The following PRKN variants were observed in gnomAD, a reference collection of about 807,000 sequenced individuals.
The protein encoded by PRKN is E3 ubiquitin-protein ligase parkin.
Under a neutral mutation model 59.5 loss-of-function variants are expected in PRKN, and 56 were observed. The observed-to-expected ratio is 0.94, with a 90% CI of 0.76 to 1.18. The LOEUF (loss-of-function observed/expected upper bound fraction) is 1.18, where lower values mean the gene tolerates loss of function less well. Among genes scored for constraint, PRKN ranks in the 50% most tolerant of loss-of-function variants. The pLI, the probability that PRKN is intolerant of heterozygous loss-of-function variation, is 0.00. For synonymous variants in PRKN, 250 were observed against 222.1 expected, an observed-to-expected ratio of 1.13 and a Z score of -1.12; for missense variants, 657 against 596.4, an observed-to-expected ratio of 1.10 and a Z score of -1.06.
At chr6:162,449,873 A>C (rs893709927) in intron 1 of PRKN, among the ~76,000 whole-genome samples, 1 of 151,100 alleles carries the variant, frequency 6.6e-6, no homozygotes, top group African/African-American at 2.5e-5. Flanking sequence ...AAGAGTGAAC[A>C]AAAAAAATGA....
At chr6:162,710,405 A>ACACACACACACACACACACACACACT in intron 1 of PRKN, among the ~76,000 whole-genome samples, 1 of 151,136 alleles carries the variant, frequency 6.6e-6, no homozygotes, top group African/African-American at 2.4e-5. Context: ...ACACACACAC[A>ACACACACACACACACACACACACACT]CACACACACA....
chr6:161,660,915 G>A (rs1784520046), intron 7 of PRKN, among the ~76,000 whole-genome samples: 1 of 152,050 alleles, frequency 6.6e-6, no homozygotes, highest in African/African-American at 2.4e-5. Flanking sequence ...CTCAGTAAGT[G>A]GACACCCAGT....
intron 2 of PRKN, among the ~76,000 whole-genome samples, chr6:162,359,284 G>A (rs189194280): frequency 1.6e-4 from 25 of 151,792 alleles, no homozygotes; most frequent in African/African-American, 5.6e-4. Flanking sequence ...GTTTGTCAAG[G>A]ACATTCGGAA....
intron 7 of PRKN, among the ~76,000 whole-genome samples, chr6:161,752,794 T>C (rs767188406): frequency 1.3e-5 from 2 of 152,180 alleles, no homozygotes; most frequent in Non-Finnish European, 2.9e-5. Context: ...TTTACGCAAG[T>C]TCAGTAAACA....
chr6:162,299,253 C>T (rs1781830671), intron 2 of PRKN, among the ~76,000 whole-genome samples: 1 of 152,150 alleles, frequency 6.6e-6, no homozygotes, highest in Non-Finnish European at 1.5e-5. Context: ...TCACTGTGAG[C>T]TCCCGACTTA....
chr6:161,374,393 G>GT (rs1785568052), intron 10 of PRKN, among the ~76,000 whole-genome samples: 1 of 151,354 alleles, frequency 6.6e-6, no homozygotes, highest in Admixed American at 6.6e-5. Context: ...GTATGTGGAT[G>GT]TGGTGTGTAT....
intron 7 of PRKN, among the ~76,000 whole-genome samples, chr6:161,601,372 C>G (rs1295121929): frequency 6.6e-6 from 1 of 152,080 alleles, no homozygotes; most frequent in Non-Finnish European, 1.5e-5. Context: ...TCCTTTGGGT[C>G]TATTAGATAA....
At position 162,242,090 on chromosome 6, in the gene PRKN, A is replaced by G. The variant is rs190596341; in HGVS notation, c.412+20435T>C. Among the ~76,000 whole-genome samples the G allele has an allele frequency of 1.6e-3, 246 of 152,302 alleles. 7 individuals carry two copies. Among genetic ancestry groups the G allele is most frequent in the African/African-American group, 5.6e-3 (232 of 41,574 alleles). ...ACACTTTTAAAATAAGAAATTGCAT[A>G]AAGAGAGAAGAAAAAATAAAATTTT... is the stretch of plus-strand genomic sequence containing the variant. On this transcript the variant is annotated intron_variant, in intron 3 of 11. Transcript: ENST00000366898.
intron 1 of PRKN, among the ~76,000 whole-genome samples, chr6:162,547,002 A>T (rs1470335814): frequency 1.3e-5 from 2 of 152,176 alleles, no homozygotes; most frequent in Non-Finnish European, 2.9e-5. Flanking sequence ...TGTTTCCACC[A>T]AGGGGCTTGC....
chr6:161,793,682 C>T (rs1207571437), intron 6 of PRKN, among the ~76,000 whole-genome samples: 1 of 152,004 alleles, frequency 6.6e-6, no homozygotes, highest in Non-Finnish European at 1.5e-5. Context: ...AGACACCTAG[C>T]CTATCTCTGG....
At chr6:161,661,839 A>G (rs1202906713) in intron 7 of PRKN, among the ~76,000 whole-genome samples, 2 of 152,098 alleles carry the variant, frequency 1.3e-5, no homozygotes, top group Non-Finnish European at 2.9e-5. Context: ...CCTGGCCAAT[A>G]TGGTGAAACC....
chr6:162,529,765 T>TGGA (rs1343695313), intron 1 of PRKN, among the ~76,000 whole-genome samples: 1 of 152,130 alleles, frequency 6.6e-6, no homozygotes, highest in Non-Finnish European at 1.5e-5. Context: ...TACATCAACC[T>TGGA]ATGTAAGGGC....
chr6:162,490,444 T>C (rs1307324117), intron 1 of PRKN, among the ~76,000 whole-genome samples: 1 of 152,172 alleles, frequency 6.6e-6, no homozygotes, highest in East Asian at 1.9e-4. Context: ...ATTTTCCTAG[T>C]CAGTGCAACA....
At chr6:161,557,916 CACCACTCCATAAAT>C (rs1334383488) in intron 8 of PRKN, among the ~76,000 whole-genome samples, 1 of 152,124 alleles carries the variant, frequency 6.6e-6, no homozygotes, top group African/African-American at 2.4e-5. Flanking sequence ...TGCTTCCCCA[CACCACTCCATAAAT>C]TATAGCTTTT....
chr6:161,403,463 G>A (rs1183328431), intron 9 of PRKN, among the ~76,000 whole-genome samples: 1 of 152,098 alleles, frequency 6.6e-6, no homozygotes, highest in Non-Finnish European at 1.5e-5. Context: ...GTGGAGAAAC[G>A]GAAAAACGCT....
At chr6:162,471,416 G>C (rs1791738555) in intron 1 of PRKN, among the ~76,000 whole-genome samples, 1 of 152,114 alleles carries the variant, frequency 6.6e-6, no homozygotes, top group African/African-American at 2.4e-5. Context: ...TTATTTTTAA[G>C]CTGGAAGTTA....
chr6:161,950,935 C>A (rs968519265), intron 6 of PRKN, among the ~76,000 whole-genome samples: 3 of 132,862 alleles, frequency 2.3e-5, no homozygotes, highest in Middle Eastern at 3.6e-3. Flanking sequence ...GAATGGCTGC[C>A]CTATTCCAGG....
In PRKN at chr6:161,462,592, ATT is replaced by A. The variant is rs111666371; in HGVS notation, c.1084-75717_1084-75716del. On this transcript the variant is annotated intron_variant, in intron 9 of 11. Coordinates refer to ENST00000366898, the MANE Select transcript of PRKN (RefSeq NM_004562.3). This position sits in a 1 kb window ranked among gnomAD's most constrained non-coding sequence, Gnocchi z 4.5. ...CTGATCAGCAATATAGCTCACCCTT[ATT>A]TTAAAAGGTCTACTTTGAATGTCTC... Among the ~76,000 whole-genome samples the A allele has an allele frequency of 0.01, 1,538 of 152,298 alleles. 31 individuals are homozygous for A. The highest frequency in any genetic ancestry group is 0.035 in the African/African-American group (1,469 of 41,564).
At chr6:162,415,964 C>T (rs1235303724) in intron 2 of PRKN, among the ~76,000 whole-genome samples, 1 of 152,150 alleles carries the variant, frequency 6.6e-6, no homozygotes, top group Non-Finnish European at 1.5e-5. Flanking sequence ...CTGCAAAACG[C>T]TGAATTCTGT....
Sources: gnomAD v4.1 joint callset for allele counts (sites outside exome capture counted in the v4.1 genomes callset) on GRCh38, gnomAD v4.1.1 for gene constraint, Gnocchi (gnomAD v3.1) non-coding constraint, MANE v1.5 for transcripts, NCBI Gene and HGNC (gene_info 2026-07-23, HGNC 2026-07-21) for gene names.